The following STK39 variants were observed in gnomAD, a reference collection of about 807,000 sequenced individuals.
The protein encoded by STK39 is STE20/SPS1-related proline-alanine-rich protein kinase.
STK39 carries 20 observed loss-of-function variants against 77.8 expected under a neutral mutation model. That is an observed-to-expected ratio of 0.26 (90% confidence interval 0.18 to 0.37). The LOEUF (loss-of-function observed/expected upper bound fraction) is 0.37. STK39 is among the 10% of genes least tolerant of loss of function. The pLI, the probability that STK39 is intolerant of heterozygous loss-of-function variation, is 1.00. For missense variants in STK39, 479 were observed against 656.5 expected (o/e 0.73, Z 2.95); for synonymous variants, 246 against 234.1 (o/e 1.05, Z -0.47).
chr2:168,182,698 C>G (rs963079703), intron 1 of STK39, among the ~76,000 whole-genome samples: 2 of 152,190 alleles, frequency 1.3e-5, no homozygotes, highest in African/African-American at 4.8e-5. Flanking sequence ...CTAATGCACT[C>G]AGACTCCTAA....
chr2:168,048,655 A>C (rs188694091), intron 14 of STK39, among the ~76,000 whole-genome samples: 2 of 152,134 alleles, frequency 1.3e-5, no homozygotes, highest in Non-Finnish European at 2.9e-5. Flanking sequence ...CTGCTAGAAA[A>C]CACTAACCGA....
intron 12 of STK39, among the ~76,000 whole-genome samples, chr2:168,065,685 G>A (rs1011073800): frequency 6.6e-6 from 1 of 152,042 alleles, no homozygotes; most frequent in Non-Finnish European, 1.5e-5. Context: ...AAGTGAAAAG[G>A]CATGAATTAT....
At chr2:167,988,569 T>C (rs1408501434) in intron 16 of STK39, among the ~76,000 whole-genome samples, 1 of 152,134 alleles carries the variant, frequency 6.6e-6, no homozygotes, top group African/African-American at 2.4e-5. Context: ...GATTATTTTG[T>C]TGTGGATGCT....
intron 1 of STK39, among the ~76,000 whole-genome samples, chr2:168,239,466 G>A (rs1690703673): frequency 6.6e-6 from 1 of 152,184 alleles, no homozygotes; most frequent in Non-Finnish European, 1.5e-5. Context: ...ACAGGCAGGT[G>A]GACGCACTCA....
intron 4 of STK39, among the ~76,000 whole-genome samples, chr2:168,162,065 C>T (rs1688586020): frequency 6.6e-6 from 1 of 152,144 alleles, no homozygotes; most frequent in South Asian, 2.1e-4. Flanking sequence ...GTGGGTGGAG[C>T]ACCTGAGGTC....
chr2:168,117,640 G>A (rs1489108684), intron 10 of STK39, among the ~76,000 whole-genome samples: 1 of 152,212 alleles, frequency 6.6e-6, no homozygotes, highest in Non-Finnish European at 1.5e-5. Context: ...GCTAGGCTGG[G>A]AGAGATACAA....
intron 13 of STK39, among the ~76,000 whole-genome samples, chr2:168,063,783 T>G (rs1037109264): frequency 6.6e-6 from 1 of 152,202 alleles, no homozygotes; most frequent in Non-Finnish European, 1.5e-5. Flanking sequence ...GAATGTTTCA[T>G]ATGGAAAGCC....
chr2:168,053,107 C>G (rs1309726766), intron 14 of STK39, among the ~76,000 whole-genome samples: 1 of 152,200 alleles, frequency 6.6e-6, no homozygotes, highest in Non-Finnish European at 1.5e-5. Context: ...GATTTTCCTA[C>G]TGGGCAGTTT....
intron 5 of STK39, among the ~76,000 whole-genome samples, chr2:168,156,758 C>T (rs1688439379): frequency 6.6e-6 from 1 of 152,226 alleles, no homozygotes; most frequent in African/African-American, 2.4e-5. Context: ...TGAACTATGG[C>T]TGTCTGGTGT....
intron 16 of STK39, among the ~76,000 whole-genome samples, chr2:168,002,624 AG>A (rs1684029625): frequency 6.6e-6 from 1 of 152,078 alleles, no homozygotes; most frequent in Non-Finnish European, 1.5e-5. Context: ...AATTCCTCTG[AG>A]TTTGGCGCAG....
chr2:168,148,277 C>T (rs1356204531), intron 5 of STK39, among the ~76,000 whole-genome samples: 1 of 152,126 alleles, frequency 6.6e-6, no homozygotes, highest in Non-Finnish European at 1.5e-5. Context: ...ATAGGCACAA[C>T]TTTTTTCCTG....
Position 167,978,048 on chromosome 2 carries a change from C to T in STK39, c.1499-13322G>A, listed in dbSNP as rs535190932. The stretch of plus-strand genomic sequence containing the variant: ...TTCCTGGGTGGGATCGCAAAACTCA[C>T]TGAGCCAGATTACTAGTTTGGGTGA... On this transcript the variant is annotated intron_variant, in intron 16 of 17. Coordinates refer to ENST00000355999, the MANE Select transcript of STK39 (RefSeq NM_013233.3). Among the ~76,000 whole-genome samples the T allele has an allele frequency of 7.3e-4, 111 of 152,210 alleles. 1 individual carries two copies. Among genetic ancestry groups the T allele is most frequent in the African/African-American group, 2.6e-3 (107 of 41,526 alleles).
chr2:168,092,125 T>C (rs1371815596), intron 10 of STK39, among the ~76,000 whole-genome samples: 1 of 152,214 alleles, frequency 6.6e-6, no homozygotes, highest in African/African-American at 2.4e-5. Context: ...TTAAACAAGC[T>C]CCGATTTAGA....
intron 10 of STK39, among the ~76,000 whole-genome samples, chr2:168,114,863 T>C (rs1340028103): frequency 6.6e-6 from 1 of 152,140 alleles, no homozygotes; most frequent in African/African-American, 2.4e-5. Context: ...TTATCACTTG[T>C]TTGTTCTGGA....
At chr2:168,020,628 TTATA>T (rs1684546945) in intron 14 of STK39, among the ~76,000 whole-genome samples, 1 of 150,486 alleles carries the variant, frequency 6.6e-6, no homozygotes, top group Admixed American at 6.7e-5. Context: ...TATGTATATA[TTATA>T]TATAATTAAA....
chr2:168,106,356 G>C (rs1686973362), intron 10 of STK39, among the ~76,000 whole-genome samples: 1 of 152,122 alleles, frequency 6.6e-6, no homozygotes, highest in Non-Finnish European at 1.5e-5. Context: ...TCAAGCACTT[G>C]GCGCAATCTT....
At chr2:168,199,167 C>T (rs1019733356) in intron 1 of STK39, among the ~76,000 whole-genome samples, 2 of 152,168 alleles carry the variant, frequency 1.3e-5, no homozygotes, top group Non-Finnish European at 2.9e-5. Context: ...TTACACCATT[C>T]GGTGGACATG....
chr2:168,088,615 G>A (rs575068459), intron 10 of STK39, among the ~76,000 whole-genome samples: 1 of 152,276 alleles, frequency 6.6e-6, no homozygotes, highest in African/African-American at 2.4e-5. Context: ...ATAGTATGTA[G>A]CCAGTAACAA....
At position 168,199,900 on chromosome 2, in the gene STK39, T is replaced by C. The variant is rs779083154; in HGVS notation, c.209-17810A>G. On this transcript the variant is annotated intron_variant, in intron 1 of 17. Transcript: ENST00000355999. Reference sequence around the variant, plus strand: ...GAGCCCAAAAGGACATCCAAATTCTTTGGACAACAGGTCTTCAGCCATATC... The same window carrying C: ...GAGCCCAAAAGGACATCCAAATTCTCTGGACAACAGGTCTTCAGCCATATC... Among the ~76,000 whole-genome samples, 3 of 152,222 alleles carry C rather than the reference T, an allele frequency of 2.0e-5. No homozygotes were observed. In the South Asian group the frequency reaches 6.2e-4, roughly 32 times the overall value.
Sources: allele counts gnomAD v4.1 joint callset (sites outside exome capture counted in the v4.1 genomes callset), GRCh38; gene constraint gnomAD v4.1.1; transcripts MANE v1.5; gene names NCBI Gene and HGNC (gene_info 2026-07-23, HGNC 2026-07-21).